Variants in MPP7 observed in about 807,000 individuals in gnomAD.
MPP7 encodes the protein MAGUK p55 subfamily member 7.
A neutral mutation model predicts 76.5 loss-of-function variants in MPP7; 60 were observed. That is an observed-to-expected ratio of 0.78 (90% CI 0.64 to 0.97). The LOEUF (loss-of-function observed/expected upper bound fraction) is 0.97. MPP7 is among the 50% of genes least tolerant of loss of function. The pLI, the probability that MPP7 is intolerant of heterozygous loss-of-function variation, is 0.00. For synonymous variants in MPP7, 237 were observed against 244.5 expected (o/e 0.97, Z 0.29); for missense variants, 641 against 694.0 (o/e 0.92, Z 0.86).
At chr10:28,235,900 A>G (rs903480569) in intron 2 of MPP7, among the ~76,000 whole-genome samples, 8 of 152,246 alleles carry the variant, frequency 5.3e-5, no homozygotes, top group Non-Finnish European at 1.2e-4. Flanking sequence ...CACAAAATGT[A>G]AATAAATTCT....
intron 3 of MPP7, among the ~76,000 whole-genome samples, chr10:28,183,662 T>C (rs187915215): frequency 3.9e-5 from 6 of 152,286 alleles, no homozygotes; most frequent in Non-Finnish European, 8.8e-5. Context: ...TATTGTGCAC[T>C]TGTAGTCCTA....
intron 1 of MPP7, among the ~76,000 whole-genome samples, chr10:28,250,562 A>G (rs938838231): frequency 2.0e-5 from 3 of 152,154 alleles, no homozygotes; most frequent in African/African-American, 7.2e-5. Context: ...TCTTTCAAAG[A>G]TCCTTACGTG....
rs774560771 is a variant in MPP7, at chr10:28,120,367, G to A, written c.714C>T (p.Asp238=). 2 of 1,610,444 alleles carry A rather than the reference G, an allele frequency of 1.2e-6. No homozygotes were observed. Among genetic ancestry groups the A allele is most frequent in the Non-Finnish European group, 8.5e-7 (1 of 1,179,010 alleles). ...EGKMFIKALF[D]YNPNEDKAIP... is the part of the protein sequence containing the mutation. ...TTGCCTTATCCTCATTAGGATTATA[G>A]TCAAAGAGGGCTTTGATAAACATCT... is the stretch of plus-strand genomic sequence containing the variant. Residue 238 remains aspartate, a synonymous_variant, in exon 10 of 17, where the codon GAC becomes GAT. Transcript: ENST00000683449.
intron 1 of MPP7, among the ~76,000 whole-genome samples, chr10:28,279,085 A>G (rs1333394901): frequency 1.3e-5 from 2 of 152,054 alleles, no homozygotes; most frequent in Non-Finnish European, 2.9e-5. Flanking sequence ...AAATGGCATA[A>G]TTAGCAGATC....
chr10:28,226,666 ACTT>A, intron 2 of MPP7, among the ~76,000 whole-genome samples: 1 of 146,442 alleles, frequency 6.8e-6, no homozygotes, highest in East Asian at 2.0e-4. Context: ...TAAATTTTAT[ACTT>A]AAAAATGGTA....
chr10:28,265,335 G>C (rs1014890452), intron 1 of MPP7, among the ~76,000 whole-genome samples: 7 of 152,192 alleles, frequency 4.6e-5, no homozygotes, highest in African/African-American at 1.4e-4. Context: ...AAGGCGGGGG[G>C]ACTGCTTGAG....
At chr10:28,154,498 A>C (rs1835986543) in intron 3 of MPP7, among the ~76,000 whole-genome samples, 1 of 152,202 alleles carries the variant, frequency 6.6e-6, no homozygotes, top group African/African-American at 2.4e-5. Context: ...CATAATTCTT[A>C]TAAGGAACAT....
chr10:28,315,459 G>A (rs11007017), intron 2 of MPP7, among the ~76,000 whole-genome samples: 41,464 of 151,884 alleles, frequency 0.27, 5,984 homozygotes, highest in East Asian at 0.42. Context: ...TTTTCGAGCT[G>A]GCATGTGCTT....
chr10:28,221,190 T>A (rs1422253777), intron 2 of MPP7, among the ~76,000 whole-genome samples: 2 of 152,112 alleles, frequency 1.3e-5, no homozygotes, highest in South Asian at 2.1e-4. Flanking sequence ...AATAAAGTAA[T>A]CTAAGCTGTA....
At chr10:28,236,421 G>GA (rs575464424) in intron 2 of MPP7, among the ~76,000 whole-genome samples, 1 of 151,862 alleles carries the variant, frequency 6.6e-6, no homozygotes, top group African/African-American at 2.4e-5. Context: ...GCTTGGTGTA[G>GA]AAAAAAAGCT....
At chr10:28,304,488 A>AT (rs557162872), upstream of MPP7, among the ~76,000 whole-genome samples, 274 of 152,336 alleles carry the variant, frequency 1.8e-3, 4 homozygotes, top group Admixed American at 0.017. Context: ...AAGACAAGAA[A>AT]TTCTTTTTTC....
intron 3 of MPP7, among the ~76,000 whole-genome samples, chr10:28,197,710 T>A (rs1395025610): frequency 6.6e-6 from 1 of 152,164 alleles, no homozygotes; most frequent in African/African-American, 2.4e-5. Flanking sequence ...AAGTTGAACA[T>A]CTTGGCCCTA....
At chr10:28,160,835 T>TA (rs924743668) in intron 3 of MPP7, among the ~76,000 whole-genome samples, 12 of 152,154 alleles carry the variant, frequency 7.9e-5, no homozygotes, top group African/African-American at 1.2e-4. Flanking sequence ...GTTACTTTTC[T>TA]AAAAAACCAT....
intron 12 of MPP7, among the ~76,000 whole-genome samples, chr10:28,082,571 C>T (rs1248597107): frequency 6.6e-6 from 1 of 152,182 alleles, no homozygotes; most frequent in African/African-American, 2.4e-5. Context: ...ATCCTCTCAT[C>T]TCAGCTTCCC....
At chr10:28,165,255 G>A (rs1272539845) in intron 3 of MPP7, among the ~76,000 whole-genome samples, 2 of 152,190 alleles carry the variant, frequency 1.3e-5, no homozygotes, top group Non-Finnish European at 2.9e-5. Flanking sequence ...ATTGGGCACT[G>A]TGGCTCACTC....
chr10:28,120,125 C>T (rs10763644), intron 10 of MPP7, 69 bp downstream of exon 10: 288,762 of 1,478,570 alleles, frequency 0.2, 46,086 homozygotes, highest in East Asian at 0.87. Flanking sequence ...ACATCAATGC[C>T]AGAATGATAT....
At chr10:28,234,055 C>T (rs1838986438) in intron 2 of MPP7, among the ~76,000 whole-genome samples, 1 of 152,050 alleles carries the variant, frequency 6.6e-6, no homozygotes, top group Non-Finnish European at 1.5e-5. Flanking sequence ...AACCTATTGC[C>T]CAGATCTTGA....
In MPP7 at chr10:28,147,482, C is replaced by T. The variant is rs370232443; in HGVS notation, c.315+1G>A. ...TTATTACCGGCGTAACATGTCCTCA[C>T]CTTCACATTGGGTTTTGACAGTAGT... On this transcript the variant is annotated splice_donor_variant, in intron 5 of 16. Transcript: ENST00000683449. LOFTEE classifies it high-confidence loss of function. 1.4e-5 allele frequency: 23 copies of T among 1,612,718 alleles called. No homozygotes were observed. The highest frequency in any genetic ancestry group is 2.2e-5 in the East Asian group (1 of 44,882).
At chr10:28,110,428 C>T (rs183829853) in intron 11 of MPP7, among the ~76,000 whole-genome samples, 66 of 152,232 alleles carry the variant, frequency 4.3e-4, no homozygotes, top group South Asian at 3.5e-3. Flanking sequence ...CACCTGATCC[C>T]CCAAAGTACA....
Sources: allele counts gnomAD v4.1 joint callset (sites outside exome capture counted in the v4.1 genomes callset), GRCh38; gene constraint gnomAD v4.1.1; transcripts MANE v1.5; gene names NCBI Gene and HGNC (gene_info 2026-07-23, HGNC 2026-07-21).